CDH4: variants seen among roughly 807,000 people sequenced by gnomAD.
The protein encoded by CDH4 is cadherin-4.
A neutral mutation model predicts 86.0 loss-of-function variants in CDH4; 33 were observed. That is an observed-to-expected ratio of 0.38 (90% CI 0.29 to 0.51). The LOEUF (loss-of-function observed/expected upper bound fraction) is 0.51. CDH4 is among the 20% of genes least tolerant of loss of function. The pLI is 0.86. For synonymous variants in CDH4, 555 were observed against 549.4 expected, an observed-to-expected ratio of 1.01 and a Z score of -0.14; for missense variants, 1,114 against 1,307.4, an observed-to-expected ratio of 0.85 and a Z score of 2.28.
At chr20:61,403,534 C>T (rs572115312) in intron 2 of CDH4, among the ~76,000 whole-genome samples, 64 of 152,216 alleles carry the variant, frequency 4.2e-4, no homozygotes, top group Admixed American at 7.9e-4. Context: ...TCCCTGGTGT[C>T]GGTGCCATAA....
At chr20:61,362,487 T>C (rs1022463928) in intron 2 of CDH4, among the ~76,000 whole-genome samples, 6 of 137,592 alleles carry the variant, frequency 4.4e-5, no homozygotes, top group Admixed American at 2.9e-4. Flanking sequence ...AGCAGAGACA[T>C]GGCCTAGGAC....
intron 2 of CDH4, among the ~76,000 whole-genome samples, chr20:61,605,638 CCT>C (rs1468226555): frequency 3.3e-5 from 5 of 151,582 alleles, no homozygotes; most frequent in African/African-American, 1.2e-4. Context: ...CCTGTCTCTC[CCT>C]CTCTCTGTCT....
At chr20:61,464,294 G>A (rs929354078) in intron 2 of CDH4, among the ~76,000 whole-genome samples, 1 of 152,158 alleles carries the variant, frequency 6.6e-6, no homozygotes, top group Non-Finnish European at 1.5e-5. Context: ...TTATTTCCAG[G>A]TACAGTTATT....
intron 2 of CDH4, among the ~76,000 whole-genome samples, chr20:61,433,567 C>T (rs2085261530): frequency 6.6e-6 from 1 of 151,880 alleles, no homozygotes; most frequent in Admixed American, 6.5e-5. Context: ...TCAAAAATCA[C>T]TGAAGTTGAC....
At chr20:61,691,871 T>G (rs1164046342) in intron 2 of CDH4, among the ~76,000 whole-genome samples, 6 of 127,460 alleles carry the variant, frequency 4.7e-5, no homozygotes, top group South Asian at 2.7e-4. Context: ...CACACCTGTC[T>G]ATGTGTGTAT....
Position 61,387,451 on chromosome 20 carries a change from C to T in CDH4, c.169+132514C>T, listed in dbSNP as rs891880100. 2.0e-5 allele frequency among the ~76,000 whole-genome samples: 3 copies of T among 151,812 alleles called. No individual in the cohort carries two copies. In the South Asian group the frequency reaches 6.2e-4, roughly 32 times the overall value. On this transcript the variant is annotated intron_variant, in intron 2 of 15. Coordinates refer to ENST00000614565, the MANE Select transcript of CDH4 (RefSeq NM_001794.5). ...ACAGCCACACAAACAGAGAAACACA[C>T]AGCCACACAAATATATACATACATA... is the stretch of plus-strand genomic sequence containing the variant.
chr20:61,915,312 TG>T (rs998366588), intron 9 of CDH4, among the ~76,000 whole-genome samples: 5 of 152,244 alleles, frequency 3.3e-5, no homozygotes, highest in African/African-American at 1.2e-4. Flanking sequence ...GAGGGCTGGC[TG>T]GGCTGTGTCT....
intron 2 of CDH4, among the ~76,000 whole-genome samples, chr20:61,325,001 C>A (rs1276313603): frequency 6.6e-6 from 1 of 152,162 alleles, no homozygotes; most frequent in African/African-American, 2.4e-5. Flanking sequence ...GTCCTGGCTC[C>A]TACCCCTTGC....
chr20:61,711,319 T>TA (rs1362397348), intron 2 of CDH4, among the ~76,000 whole-genome samples: 3 of 152,178 alleles, frequency 2.0e-5, no homozygotes, highest in African/African-American at 7.2e-5. Flanking sequence ...GTGAGTCAAT[T>TA]AAACCTCTTC....
At chr20:61,578,907 A>C (rs1449247385) in intron 2 of CDH4, among the ~76,000 whole-genome samples, 1 of 152,188 alleles carries the variant, frequency 6.6e-6, no homozygotes, top group Non-Finnish European at 1.5e-5. Flanking sequence ...ATCCAAGGGA[A>C]GAGAGGGCTT....
chr20:61,471,442 G>T (rs1239576360), intron 2 of CDH4, among the ~76,000 whole-genome samples: 1 of 149,608 alleles, frequency 6.7e-6, no homozygotes, highest in East Asian at 2.0e-4. Context: ...CTAAAGGTTT[G>T]TCAATTGTGT....
rs1278715714 is a variant in CDH4 at position 61,393,352 on chromosome 20, CG to C, written c.169+138419del. ...GTGGGGGACAGCAGCCGGGGGGGGC[CG>C]GGGTCTTCCTTACCTCCTAGCTTGT... On this transcript the variant is annotated intron_variant, in intron 2 of 15. Coordinates refer to ENST00000614565, the MANE Select transcript of CDH4 (RefSeq NM_001794.5). This position sits in a 1 kb window ranked among gnomAD's most constrained non-coding sequence, Gnocchi z 4.3. 6.6e-6 allele frequency among the ~76,000 whole-genome samples: 1 copy of C among 152,086 alleles called. No individual in the cohort carries two copies. The highest frequency in any genetic ancestry group is 2.4e-5 in the African/African-American group (1 of 41,406).
At position 61,703,897 on chromosome 20, in the gene CDH4, C is replaced by T. The variant is rs2087802534; in HGVS notation, c.170-39666C>T. Among the ~76,000 whole-genome samples, 1 of 152,132 alleles carries T rather than the reference C, an allele frequency of 6.6e-6. No homozygotes were observed. The highest frequency in any genetic ancestry group is 6.5e-5 in the Admixed American group (1 of 15,278). On this transcript the variant is annotated intron_variant, in intron 2 of 15. Coordinates refer to ENST00000614565, the MANE Select transcript of CDH4 (RefSeq NM_001794.5). The surrounding 1 kb of genome is among the most constrained non-coding windows in gnomAD (Gnocchi z 4.3). ...TATTAATTGTGACCTTTCAGAACTC[C>T]CAATTAAATTTTTCCAATAAAATGA...
chr20:61,797,090 C>A (rs1424690934), intron 4 of CDH4, among the ~76,000 whole-genome samples: 1 of 151,912 alleles, frequency 6.6e-6, no homozygotes, highest in South Asian at 2.1e-4. Flanking sequence ...AGAGCCCCCC[C>A]CCCCCCAACA....
At chr20:61,660,675 C>G (rs77962464) in intron 2 of CDH4, among the ~76,000 whole-genome samples, 3,051 of 152,216 alleles carry the variant, frequency 0.02, 106 homozygotes, top group African/African-American at 0.069. Flanking sequence ...GAGTGGGATG[C>G]GACCTCACTC....
chr20:61,591,620 G>A (rs1267335819), intron 2 of CDH4, among the ~76,000 whole-genome samples: 2 of 152,218 alleles, frequency 1.3e-5, no homozygotes, highest in African/African-American at 2.4e-5. Context: ...ACAAGAGGCA[G>A]TTTCCTGTTT....
chr20:61,626,001 T>G (rs908165599), intron 2 of CDH4, among the ~76,000 whole-genome samples: 1 of 152,262 alleles, frequency 6.6e-6, no homozygotes, highest in Admixed American at 6.5e-5. Context: ...TTAGCGCCCC[T>G]GCTGAGTGCT....
In CDH4 at chr20:61,417,640, T is replaced by C. The variant is rs1410924528; in HGVS notation, c.169+162703T>C. Reference sequence around the variant, plus strand: ...CAGGGCTGTAAATTGGCAGCGTGGATTGGGGAGCAAATTTCTAGCCGCTTC... The same window carrying C: ...CAGGGCTGTAAATTGGCAGCGTGGACTGGGGAGCAAATTTCTAGCCGCTTC... On this transcript the variant is annotated intron_variant, in intron 2 of 15. Transcript: ENST00000614565. The surrounding 1 kb of genome is among the most constrained non-coding windows in gnomAD (Gnocchi z 4.0). Among the ~76,000 whole-genome samples the C allele has an allele frequency of 2.0e-5, 3 of 152,172 alleles. No homozygotes were observed. The highest frequency in any genetic ancestry group is 2.9e-5 in the Non-Finnish European group (2 of 68,034).
Position 61,937,018 on chromosome 20 carries a change from G to T in CDH4, c.*75G>T. The T allele has an allele frequency of 7.6e-7, 1 of 1,308,054 alleles. No homozygotes were observed. 81.0% of individuals were successfully genotyped at this position (1,308,054 alleles called of 1,614,324 possible). On this transcript the variant is annotated 3_prime_UTR_variant, in exon 16 of 16. Transcript: ENST00000614565. ...GGAGCAGGACTGAGCAGAGGCGGCC[G>T]GTCTTCCCGACTCCCTGCGGCTGTG...
Sources: gnomAD v4.1 joint callset for allele counts (sites outside exome capture counted in the v4.1 genomes callset) on GRCh38, gnomAD v4.1.1 for gene constraint, Gnocchi (gnomAD v3.1) non-coding constraint, MANE v1.5 for transcripts, NCBI Gene and HGNC (gene_info 2026-07-23, HGNC 2026-07-21) for gene names.